The following ASTN2 variants were observed in gnomAD, a reference collection of about 807,000 sequenced individuals.
The protein encoded by ASTN2 is astrotactin 2.
In ASTN2, 54 loss-of-function variants were observed where a neutral mutation model predicts 139.8. The ratio of observed to expected loss-of-function variants is 0.39; its 90% CI spans 0.31 to 0.48. The LOEUF (loss-of-function observed/expected upper bound fraction) is 0.48, where lower values mean the gene tolerates loss of function less well. Among genes scored for constraint, ASTN2 ranks in the 20% least tolerant of loss-of-function variants. The pLI is 0.95. For missense variants in ASTN2, 1,565 were observed against 1,725.1 expected, an observed-to-expected ratio of 0.91 and a Z score of 1.64; for synonymous variants, 756 against 719.5, an observed-to-expected ratio of 1.05 and a Z score of -0.81.
At chr9:116,925,260 G>C (rs1433242763) in intron 10 of ASTN2, among the ~76,000 whole-genome samples, 1 of 152,158 alleles carries the variant, frequency 6.6e-6, no homozygotes, top group African/African-American at 2.4e-5. Flanking sequence ...TAATTATTCA[G>C]TGTCTCCTAT....
At chr9:116,683,102 C>T (rs1011495621) in intron 16 of ASTN2, among the ~76,000 whole-genome samples, 1 of 151,082 alleles carries the variant, frequency 6.6e-6, no homozygotes, top group African/African-American at 2.4e-5. Flanking sequence ...TTTTGTCATC[C>T]ATATACAATT....
chr9:117,005,371 G>C (rs912549650), intron 7 of ASTN2, among the ~76,000 whole-genome samples: 24 of 151,944 alleles, frequency 1.6e-4, no homozygotes, highest in African/African-American at 5.3e-4. Context: ...ACAGGCGAGA[G>C]TTCTTATAAT....
At chr9:117,160,366 A>C (rs1190459944) in intron 3 of ASTN2, among the ~76,000 whole-genome samples, 2 of 151,746 alleles carry the variant, frequency 1.3e-5, no homozygotes, top group African/African-American at 4.8e-5. Context: ...CCTCATTGTC[A>C]CTTTTCCCAT....
rs1254983632 is a variant in ASTN2, at chr9:117,414,423, GC to G, written c.442+73del. On this transcript the variant is annotated intron_variant, in intron 1 of 22. Transcript: ENST00000313400. This position sits in a 1 kb window ranked among gnomAD's most constrained non-coding sequence, Gnocchi z 4.2. ...AGCCCCGGGCAGGGATCCCCAGGGCGCCCCCACCCGTCCGGCATGACGCAGG... is the reference window on the plus strand; with the variant it reads ...AGCCCCGGGCAGGGATCCCCAGGGCGCCCCACCCGTCCGGCATGACGCAGG... 4 of 1,575,534 alleles carry G rather than the reference GC, an allele frequency of 2.5e-6. No individual in the cohort carries two copies. The East Asian group carries it at 9.8e-5, about 38-fold the overall frequency.
chr9:117,188,109 T>C (rs554017405), intron 3 of ASTN2, among the ~76,000 whole-genome samples: 18 of 151,312 alleles, frequency 1.2e-4, no homozygotes, highest in Non-Finnish European at 1.9e-4. Flanking sequence ...CAAAAAAAAA[T>C]GTCTTCAGAC....
chr9:116,717,834 T>C (rs757097636), intron 16 of ASTN2, among the ~76,000 whole-genome samples: 1 of 152,226 alleles, frequency 6.6e-6, no homozygotes, highest in South Asian at 2.1e-4. Context: ...CTATGGAGAC[T>C]TTCATCCCAA....
chr9:116,755,230 C>T (rs1295977150), intron 13 of ASTN2, among the ~76,000 whole-genome samples: 1 of 152,126 alleles, frequency 6.6e-6, no homozygotes, highest in Admixed American at 6.5e-5. Flanking sequence ...GTGAATGACA[C>T]CTTATGTTAT....
chr9:116,532,297 C>T (rs1398820881), intron 19 of ASTN2, among the ~76,000 whole-genome samples: 1 of 152,134 alleles, frequency 6.6e-6, no homozygotes, highest in Non-Finnish European at 1.5e-5. Flanking sequence ...AAAATTTTCT[C>T]CCATTCTGTA....
chr9:116,614,025 A>T (rs1213943334), intron 19 of ASTN2, among the ~76,000 whole-genome samples: 1 of 152,222 alleles, frequency 6.6e-6, no homozygotes, highest in African/African-American at 2.4e-5. Context: ...AACTTCAGCA[A>T]AGTCTCAGGA....
chr9:117,140,294 C>T (rs556338509), intron 4 of ASTN2, among the ~76,000 whole-genome samples: 1 of 152,132 alleles, frequency 6.6e-6, no homozygotes, highest in South Asian at 2.1e-4. Flanking sequence ...GTGTCATGTT[C>T]ATAGCCTGAA....
intron 16 of ASTN2, among the ~76,000 whole-genome samples, chr9:116,665,491 A>G (rs1281920350): frequency 1.3e-5 from 2 of 152,168 alleles, no homozygotes; most frequent in Admixed American, 1.3e-4. Flanking sequence ...CTGCCTACTG[A>G]AAAGGCCTAG....
At chr9:116,786,128 G>A (rs539194542) in intron 13 of ASTN2, among the ~76,000 whole-genome samples, 6 of 152,152 alleles carry the variant, frequency 3.9e-5, no homozygotes, top group Non-Finnish European at 7.4e-5. Context: ...CTTTGAACTC[G>A]GTGTGCCTTC....
At chr9:116,922,014 A>G (rs1834626468) in intron 10 of ASTN2, among the ~76,000 whole-genome samples, 1 of 152,106 alleles carries the variant, frequency 6.6e-6, no homozygotes, top group Non-Finnish European at 1.5e-5. Flanking sequence ...AATCCAAACC[A>G]TATCACCATC....
rs553951310 is a variant in ASTN2, at chr9:116,755,540, C to A, written c.2397-22017G>T. On this transcript the variant is annotated intron_variant, in intron 13 of 22. Transcript: ENST00000313400. ...CCAAGGAGTGAGGCCTCGGAAGAAA[C>A]CAGCCCCGCTAATGTCTTGATCTTG... Among the ~76,000 whole-genome samples the A allele has an allele frequency of 2.0e-4, 30 of 152,298 alleles. No individual in the cohort carries two copies. In the South Asian group the frequency reaches 6.2e-3, roughly 32 times the overall value.
chr9:116,745,035 C>T (rs1829197607), intron 13 of ASTN2, among the ~76,000 whole-genome samples: 1 of 152,174 alleles, frequency 6.6e-6, no homozygotes, highest in South Asian at 2.1e-4. Flanking sequence ...TTTCAAGGAC[C>T]ATGGCTGCAA....
chr9:116,858,475 G>A (rs1832797874), intron 11 of ASTN2, among the ~76,000 whole-genome samples: 1 of 152,160 alleles, frequency 6.6e-6, no homozygotes, highest in Admixed American at 6.5e-5. Flanking sequence ...GGTGGTGGAA[G>A]TGTCCTCCAT....
intron 19 of ASTN2, among the ~76,000 whole-genome samples, chr9:116,490,272 T>TAAAAGAAAAAAAAA (rs1849471931): frequency 2.6e-5 from 1 of 37,912 alleles, no homozygotes; most frequent in East Asian, 1.4e-3. Context: ...TGATAAAAAG[T>TAAAAGAAAAAAAAA]AAAAAAAAAA....
intron 4 of ASTN2, among the ~76,000 whole-genome samples, chr9:117,116,614 T>C (rs1482272972): frequency 8.0e-5 from 12 of 150,126 alleles, no homozygotes; most frequent in African/African-American, 2.2e-4. Context: ...ACAATGCTAG[T>C]CTAGGAGAAT....
chr9:116,509,017 T>A (rs1850239249), intron 19 of ASTN2, among the ~76,000 whole-genome samples: 1 of 152,112 alleles, frequency 6.6e-6, no homozygotes, highest in African/African-American at 2.4e-5. Flanking sequence ...ATATATATAT[T>A]TTTAACTATA....
Sources: gnomAD v4.1 joint callset for allele counts (sites outside exome capture counted in the v4.1 genomes callset) on GRCh38, gnomAD v4.1.1 for gene constraint, Gnocchi (gnomAD v3.1) non-coding constraint, MANE v1.5 for transcripts, NCBI Gene and HGNC (gene_info 2026-07-23, HGNC 2026-07-21) for gene names.